FRMD7: variants seen among roughly 807,000 people sequenced by gnomAD.
FRMD7 encodes the protein FERM domain containing 7, also known as FERM domain-containing protein 7.
A neutral mutation model predicts 44.1 loss-of-function variants in FRMD7; 14 were observed. That is an observed-to-expected ratio of 0.32 (90% CI 0.21 to 0.50). FRMD7 has a LOEUF of 0.50. FRMD7 is among the 20% of genes least tolerant of loss of function. The probability of loss-of-function intolerance (pLI) is 0.99; values close to 1 mark genes in which losing one functional copy is unlikely to be tolerated. For missense variants in FRMD7, 501 were observed against 522.3 expected, an observed-to-expected ratio of 0.96 and a Z score of 0.40; for synonymous variants, 212 against 187.4, an observed-to-expected ratio of 1.13 and a Z score of -1.07.
chrX:132,094,388 G>A (rs1393164821), intron 4 of FRMD7: 12 of 360,159 alleles, frequency 3.3e-5, no homozygotes, highest in Non-Finnish European at 5.9e-5. Context: ...AAATCCTCCT[G>A]CCAAATTGAG....
intron 5 of FRMD7, among the ~76,000 whole-genome samples, chrX:132,093,022 T>C (rs774998090): frequency 4.5e-5 from 5 of 111,596 alleles, no homozygotes; most frequent in Middle Eastern, 4.6e-3. Context: ...TTCCTATGTG[T>C]CCCTTTAAGG....
In FRMD7 at chrX:132,085,637, C is replaced by T. The variant is rs1927958574; in HGVS notation, c.589G>A (p.Gly197Ser). 1 of 1,208,607 alleles carries T rather than the reference C, an allele frequency of 8.3e-7. No homozygotes were observed. Among genetic ancestry groups the T allele is most frequent in the Non-Finnish European group, 1.1e-6 (1 of 893,861 alleles). Reference sequence around the variant, plus strand: ...GCCAGGTGAATCTGCATCCCTTCACCATCACTGGCGGGGTGAGGCCTGATG... The same window carrying T: ...GCCAGGTGAATCTGCATCCCTTCACTATCACTGGCGGGGTGAGGCCTGATG... ...YGIRPHPASD[G>S]EGMQIHLAVA... Residue 197 changes from glycine (G) to serine (S), a missense_variant, in exon 7 of 12, where the codon GGT becomes AGT. Coordinates refer to ENST00000298542, the MANE Select transcript of FRMD7 (RefSeq NM_194277.3).
At chrX:132,093,700 G>T (rs374550560) in intron 5 of FRMD7, among the ~76,000 whole-genome samples, 2 of 112,585 alleles carry the variant, frequency 1.8e-5, no homozygotes, top group African/African-American at 6.5e-5. Flanking sequence ...TTATCCTGGG[G>T]TAAGCAGAGG....
At chrX:132,106,990 T>C (rs1307440198) in intron 1 of FRMD7, among the ~76,000 whole-genome samples, 1 of 111,460 alleles carries the variant, frequency 9.0e-6, no homozygotes, top group Non-Finnish European at 1.9e-5. Flanking sequence ...TTTACCTATG[T>C]AACAAACCTT....
chrX:132,121,106 G>A (rs1040994958), intron 1 of FRMD7, among the ~76,000 whole-genome samples: 2 of 111,670 alleles, frequency 1.8e-5, no homozygotes, highest in South Asian at 7.6e-4. Context: ...ACCTAGCATG[G>A]GGCAGGCTGT....
At chrX:132,097,402 T>TACACACAC (rs762194321) in intron 3 of FRMD7, 58 bp from the exon 4 acceptor site, 5 of 581,226 alleles carry the variant, frequency 8.6e-6, no homozygotes, top group African/African-American at 2.4e-5. Context: ...CAGTTATAGG[T>TACACACAC]ACACACACAC....
At chrX:132,101,619 C>T (rs1230558508) in intron 1 of FRMD7, among the ~76,000 whole-genome samples, 1 of 112,337 alleles carries the variant, frequency 8.9e-6, no homozygotes, top group Admixed American at 9.4e-5. Context: ...TTTGTTGATC[C>T]AACATGAAAT....
At chrX:132,092,809 G>A (rs1477859592) in intron 5 of FRMD7, among the ~76,000 whole-genome samples, 1 of 111,613 alleles carries the variant, frequency 9.0e-6, no homozygotes, top group Non-Finnish European at 1.9e-5. Flanking sequence ...CCACCCCAGT[G>A]CCAAAGTACA....
chrX:132,079,090 T>C, intron 11 of FRMD7, 124 bp from the exon 12 acceptor site: 1 of 586,385 alleles, frequency 1.7e-6, no homozygotes. Context: ...ACAAGATCCA[T>C]GTTCTATTCT....
At chrX:132,081,206 G>A (rs189095209) in intron 9 of FRMD7, among the ~76,000 whole-genome samples, 10 of 111,310 alleles carry the variant, frequency 9.0e-5, no homozygotes, top group East Asian at 5.7e-4. Flanking sequence ...GGTGGCCCGC[G>A]CCTGTAATTC....
At chrX:132,081,766 A>T (rs1005063903) in intron 9 of FRMD7, among the ~76,000 whole-genome samples, 1 of 108,177 alleles carries the variant, frequency 9.2e-6, no homozygotes, top group African/African-American at 3.3e-5. Flanking sequence ...TAAAGACAAG[A>T]TCTTTTTTTT....
intron 5 of FRMD7, among the ~76,000 whole-genome samples, chrX:132,087,298 G>GT (rs759576605): frequency 9.0e-6 from 1 of 111,243 alleles, no homozygotes; most frequent in Admixed American, 9.6e-5. Flanking sequence ...TCTATATACT[G>GT]TAAGAGTAAA....
intron 8 of FRMD7, among the ~76,000 whole-genome samples, chrX:132,082,958 G>C (rs187394610): frequency 8.9e-6 from 1 of 111,938 alleles, no homozygotes; most frequent in East Asian, 2.8e-4. Flanking sequence ...ACATAAGTCT[G>C]TTGTTTTCTT....
chrX:132,089,543 T>C (rs1355596567), intron 5 of FRMD7, among the ~76,000 whole-genome samples: 1 of 111,967 alleles, frequency 8.9e-6, no homozygotes, highest in African/African-American at 3.2e-5. Flanking sequence ...AAGATATCCT[T>C]ACAAAATGAA....
intron 1 of FRMD7, among the ~76,000 whole-genome samples, chrX:132,124,983 T>C (rs1368210672): frequency 1.8e-5 from 2 of 112,071 alleles, no homozygotes; most frequent in Non-Finnish European, 3.8e-5. Flanking sequence ...CACAGATGCA[T>C]TACCAAGCCA....
At position 132,078,835 on chromosome X, in the gene FRMD7, C is replaced by T; in HGVS notation, c.1182G>A (p.Glu394=). The T allele has an allele frequency of 8.3e-7, 1 of 1,210,408 alleles. No individual in the cohort carries two copies. The highest frequency in any genetic ancestry group is 1.1e-6 in the Non-Finnish European group (1 of 894,500). The change falls in exon 12 of 12, where the codon GAG becomes GAA. Residue 394 remains glutamate, a synonymous_variant. Coordinates refer to ENST00000298542, the MANE Select transcript of FRMD7 (RefSeq NM_194277.3). ...TGGGATCCGCCTCTGGTTTGGAATG[C>T]TCCAGCTCAGTTGCAAATGTCACCT... ...ALEVTFATEL[E]HSKPEADPTL...
chrX:132,082,440 A>G lies in FRMD7; in HGVS notation c.828T>C (p.Ala276=). Residue 276 remains alanine, a synonymous_variant, in exon 9 of 12, where the codon GCT becomes GCC. Transcript: ENST00000298542. ...TGGGCTCTTCCGAAAGCCTGAAGAA[A>G]GCATGGTATTCCACACAAGTCTTCC... The part of the protein sequence containing the change: ...AFWKTCVEYH[A]FFRLSEEPKS... The G allele has an allele frequency of 8.3e-7, 1 of 1,209,638 alleles. No individual in the cohort carries two copies. The highest frequency in any genetic ancestry group is 1.1e-6 in the Non-Finnish European group (1 of 893,220).
chrX:132,103,124 C>T (rs1003199245), intron 1 of FRMD7, among the ~76,000 whole-genome samples: 3 of 111,821 alleles, frequency 2.7e-5, no homozygotes, highest in South Asian at 3.7e-4. Flanking sequence ...CCATAGTGTA[C>T]GTTGAAATTG....
chrX:132,099,559 G>C (rs746296982), intron 2 of FRMD7, 49 bp from the exon 3 acceptor site: 18 of 953,884 alleles, frequency 1.9e-5, no homozygotes, highest in Non-Finnish European at 2.5e-5. Context: ...ATTGAGCAGA[G>C]CTTTTTTTTT....
Sources: gnomAD v4.1 joint callset for allele counts (sites outside exome capture counted in the v4.1 genomes callset) on GRCh38, gnomAD v4.1.1 for gene constraint, MANE v1.5 for transcripts, NCBI Gene and HGNC (gene_info 2026-07-23, HGNC 2026-07-21) for gene names.